NOVA1: variants seen among roughly 807,000 people sequenced by gnomAD.
NOVA1 encodes the protein NOVA alternative splicing regulator 1, also known as RNA-binding protein Nova-1.
Under a neutral mutation model 38.0 loss-of-function variants are expected in NOVA1, and 7 were observed. The observed-to-expected ratio is 0.18, with a 90% CI of 0.10 to 0.35. The LOEUF (loss-of-function observed/expected upper bound fraction) is 0.35. NOVA1 is among the 10% of genes least tolerant of loss of function. The pLI, the probability that NOVA1 is intolerant of heterozygous loss-of-function variation, is 1.00. For synonymous variants in NOVA1, 270 were observed against 232.5 expected, an observed-to-expected ratio of 1.16 and a Z score of -1.47; for missense variants, 460 against 616.0, an observed-to-expected ratio of 0.75 and a Z score of 2.68.
Position 26,443,951 on chromosome 14 carries a change from A to G in NOVA1, c.*4008T>C, listed in dbSNP as rs959540057. ...GTAAGGGGTATTAAATTATATTTTC[A>G]TCTCTCAATTGCTGCCTTCGAAAGC... On this transcript the variant is annotated 3_prime_UTR_variant, in exon 5 of 5. Transcript: ENST00000539517. The G allele has an allele frequency of 6.6e-6, 1 of 152,066 alleles. No homozygotes were observed. The highest frequency in any genetic ancestry group is 2.1e-4 in the South Asian group (1 of 4,828). The allele number at this position is 152,066 out of a possible 1,614,324, so 9.4% of individuals were successfully genotyped here.
chr14:26,589,990 G>A (rs1893748243), intron 2 of NOVA1, among the ~76,000 whole-genome samples: 1 of 151,800 alleles, frequency 6.6e-6, no homozygotes, highest in South Asian at 2.1e-4. Context: ...CTGAGGGTCA[G>A]GTTAATTAAG....
chr14:26,569,549 A>C (rs1004439792), intron 2 of NOVA1, among the ~76,000 whole-genome samples: 9 of 152,230 alleles, frequency 5.9e-5, no homozygotes, highest in African/African-American at 2.2e-4. Flanking sequence ...AAAAGTTTCC[A>C]ATGTAATTTT....
chr14:26,535,883 G>T lies in NOVA1; in HGVS notation c.281-55740C>A, dbSNP rs190186519. On this transcript the variant is annotated intron_variant, in intron 2 of 4. Transcript: ENST00000539517. Reference sequence around the variant, plus strand: ...AGTCCCAGCTACTCAGGTGGCTGAGGCAGGAGAATGGTGTGAACCTGGGAG... The same window carrying T: ...AGTCCCAGCTACTCAGGTGGCTGAGTCAGGAGAATGGTGTGAACCTGGGAG... Among the ~76,000 whole-genome samples, 551 of 151,654 alleles carry T rather than the reference G, an allele frequency of 3.6e-3. 2 individuals are homozygous for T. Among genetic ancestry groups the T allele is most frequent in the Non-Finnish European group, 3.2e-3 (216 of 67,916 alleles).
At position 26,597,385 on chromosome 14, in the gene NOVA1, T is replaced by C. The variant is rs370240678; in HGVS notation, c.52A>G (p.Ile18Val). 50 of 1,276,926 alleles carry C rather than the reference T, an allele frequency of 3.9e-5. No homozygotes were observed. The highest frequency in any genetic ancestry group is 3.8e-5 in the South Asian group (1 of 26,596). The allele number at this position is 1,276,926 out of a possible 1,614,324, so 79.1% of individuals were successfully genotyped here. A position where few individuals can be genotyped will look rare whatever the true frequency, so the allele number is the denominator to read the frequency against. ...QQNGTHTGVP[I>V]DLDPPDSRKR... is the part of the protein sequence containing the mutation. ...CGCGAGTCCGGCGGGTCCAGGTCTATGGGAACCCCAGTGTGGGTCCCGTTC... is the reference window on the plus strand; with the variant it reads ...CGCGAGTCCGGCGGGTCCAGGTCTACGGGAACCCCAGTGTGGGTCCCGTTC... The change falls in exon 1 of 5, where the codon ATA becomes GTA. Residue 18 changes from isoleucine to valine, a missense_variant. By Grantham distance (29) the Ile-to-Val change is conservative. Coordinates refer to ENST00000539517, the MANE Select transcript of NOVA1 (RefSeq NM_002515.3).
chr14:26,549,964 T>C (rs1453430504), intron 2 of NOVA1, among the ~76,000 whole-genome samples: 5 of 146,968 alleles, frequency 3.4e-5, no homozygotes, highest in Admixed American at 1.4e-4. Flanking sequence ...AATACATCAC[T>C]CAGTCACAAG....
At chr14:26,452,388 GA>G (rs1290909933) in intron 4 of NOVA1, among the ~76,000 whole-genome samples, 1 of 152,116 alleles carries the variant, frequency 6.6e-6, no homozygotes, top group Non-Finnish European at 1.5e-5. Flanking sequence ...AAAAGTGAGA[GA>G]GAAAAACATG....
intron 2 of NOVA1, among the ~76,000 whole-genome samples, chr14:26,512,653 T>C (rs187436335): frequency 2.0e-4 from 31 of 152,274 alleles, no homozygotes; most frequent in Non-Finnish European, 2.4e-4. Context: ...TAAATAGTTG[T>C]AGTATGCACG....
At chr14:26,579,053 C>CTTTTTTTTTTTTTTTTTTTTTTTTTTTT (rs869075814) in intron 2 of NOVA1, among the ~76,000 whole-genome samples, 2 of 80,076 alleles carry the variant, frequency 2.5e-5, no homozygotes, top group Non-Finnish European at 4.2e-5. Flanking sequence ...AGGTGGTATT[C>CTTTTTTTTTTTTTTTTTTTTTTTTTTTT]TTTTTTTTTT....
At chr14:26,480,667 GT>G (rs532204529) in intron 2 of NOVA1, among the ~76,000 whole-genome samples, 41 of 145,114 alleles carry the variant, frequency 2.8e-4, no homozygotes, top group Admixed American at 3.5e-4. Context: ...ATTTTACATT[GT>G]TTTTTTTTTT....
intron 2 of NOVA1, among the ~76,000 whole-genome samples, chr14:26,554,717 T>A (rs1891379452): frequency 6.6e-6 from 1 of 152,194 alleles, no homozygotes; most frequent in Admixed American, 6.5e-5. Flanking sequence ...TACTGTATTA[T>A]AAAATGGTTA....
chr14:26,515,686 T>C (rs1022606635), intron 2 of NOVA1, among the ~76,000 whole-genome samples: 1 of 151,952 alleles, frequency 6.6e-6, no homozygotes, highest in African/African-American at 2.4e-5. Flanking sequence ...AGAAAAAGGA[T>C]GAAAGGAAAA....
chr14:26,533,227 T>C (rs1291120051), intron 2 of NOVA1, among the ~76,000 whole-genome samples: 1 of 152,204 alleles, frequency 6.6e-6, no homozygotes, highest in Non-Finnish European at 1.5e-5. Flanking sequence ...ATCTTTGGTC[T>C]ATTTCTTTAG....
At chr14:26,510,749 A>T (rs1888016739) in intron 2 of NOVA1, among the ~76,000 whole-genome samples, 1 of 152,166 alleles carries the variant, frequency 6.6e-6, no homozygotes, top group Admixed American at 6.6e-5. Flanking sequence ...TTCATCACAA[A>T]AACTTTTTGG....
chr14:26,454,928 A>T (rs1160650382), intron 4 of NOVA1, among the ~76,000 whole-genome samples: 1 of 152,144 alleles, frequency 6.6e-6, no homozygotes, highest in Non-Finnish European at 1.5e-5. Flanking sequence ...CATTTTGGGG[A>T]ATCTACATTG....
At chr14:26,520,645 T>C (rs913671668) in intron 2 of NOVA1, among the ~76,000 whole-genome samples, 1 of 152,158 alleles carries the variant, frequency 6.6e-6, no homozygotes, top group Non-Finnish European at 1.5e-5. Context: ...TTTATCACTA[T>C]GCACATGCTT....
At chr14:26,489,812 G>A (rs578243373) in intron 2 of NOVA1, among the ~76,000 whole-genome samples, 2 of 151,970 alleles carry the variant, frequency 1.3e-5, no homozygotes, top group African/African-American at 4.8e-5. Context: ...CTCCAGCCTG[G>A]GCAACAGAGT....
chr14:26,470,420 C>T (rs1362917587), intron 4 of NOVA1: 1 of 1,527,068 alleles, frequency 6.5e-7, no homozygotes, highest in Admixed American at 1.7e-5. Context: ...ACAATTCTTT[C>T]AATGAATTAC....
intron 2 of NOVA1, among the ~76,000 whole-genome samples, chr14:26,567,696 T>C (rs1404644384): frequency 1.3e-5 from 2 of 152,184 alleles, no homozygotes; most frequent in Non-Finnish European, 2.9e-5. Context: ...TCTGCACCTG[T>C]TTCATTTCTA....
At chr14:26,479,653 T>C (rs1263776609) in intron 3 of NOVA1, 1 of 311,890 alleles carries the variant, frequency 3.2e-6, no homozygotes, top group Non-Finnish European at 5.8e-6. Context: ...ACTTATACTT[T>C]ATTTAAAAAG....
Sources: gnomAD v4.1 joint callset for allele counts (sites outside exome capture counted in the v4.1 genomes callset) on GRCh38, gnomAD v4.1.1 for gene constraint, MANE v1.5 for transcripts, NCBI Gene and HGNC (gene_info 2026-07-23, HGNC 2026-07-21) for gene names.